Variants in MED24 observed in about 807,000 individuals in gnomAD.
MED24 encodes the protein mediator complex subunit 24.
Under a neutral mutation model 118.8 loss-of-function variants are expected in MED24, and 74 were observed. That is an observed-to-expected ratio of 0.62 (90% CI 0.52 to 0.76). The LOEUF (loss-of-function observed/expected upper bound fraction) is 0.76, where lower values mean the gene tolerates loss of function less well. Among genes scored for constraint, MED24 ranks in the 30% least tolerant of loss-of-function variants. The pLI, the probability that MED24 is intolerant of heterozygous loss-of-function variation, is 0.00. For missense variants in MED24, 1,041 were observed against 1,278.9 expected (o/e 0.81, Z 2.84); for synonymous variants, 521 against 523.9 (o/e 0.99, Z 0.08).
chr17:40,020,491 A>C (rs1342532738), intron 23 of MED24, 138 bp from the exon 24 acceptor site: 1 of 1,536,586 alleles, frequency 6.5e-7, no homozygotes, highest in Non-Finnish European at 8.8e-7. Flanking sequence ...CCCTGAGATC[A>C]AGAGCACAAA....
In MED24 at chr17:40,027,479, G is replaced by A; in HGVS notation, c.1448-14C>T. 6.2e-7 allele frequency: 1 copy of A among 1,604,734 alleles called. No individual in the cohort carries two copies. The highest frequency in any genetic ancestry group is 8.5e-7 in the Non-Finnish European group (1 of 1,175,426). ...AGGCCGGTTTGGCTGTGGAAGGACGGGAAGGCTGAGCTCCCAGACGAGGGC... is the reference window on the plus strand; with the variant it reads ...AGGCCGGTTTGGCTGTGGAAGGACGAGAAGGCTGAGCTCCCAGACGAGGGC... On this transcript the variant is annotated splice_polypyrimidine_tract_variant and intron_variant, in intron 15 of 25. Coordinates refer to ENST00000394128, the MANE Select transcript of MED24 (RefSeq NM_014815.4).
At chr17:40,031,923 G>A in intron 10 of MED24, 120 bp downstream of exon 10, 6 of 1,157,974 alleles carry the variant, frequency 5.2e-6, no homozygotes, top group Non-Finnish European at 7.5e-6. Flanking sequence ...TGCACGCTGA[G>A]GTGTACACTC....
At chr17:40,048,038 T>C (rs1985436524) in intron 3 of MED24, among the ~76,000 whole-genome samples, 1 of 152,258 alleles carries the variant, frequency 6.6e-6, no homozygotes, top group African/African-American at 2.4e-5. Context: ...CGCAAGATCT[T>C]TGTATGTTAT....
chr17:40,049,357 C>A (rs533184231), intron 3 of MED24, among the ~76,000 whole-genome samples: 1 of 152,042 alleles, frequency 6.6e-6, no homozygotes, highest in Non-Finnish European at 1.5e-5. Context: ...CTCAATGTGC[C>A]GGCTAACTCA....
chr17:40,019,442 C>T lies in MED24; in HGVS notation c.*87G>A, dbSNP rs1336859386. The T allele has an allele frequency of 2.4e-4, 268 of 1,106,306 alleles. 3 individuals carry two copies. The highest frequency in any genetic ancestry group is 3.6e-5 in the Non-Finnish European group (27 of 744,958). 68.5% of individuals were successfully genotyped at this position (1,106,306 alleles called of 1,614,324 possible). A position where few individuals can be genotyped will look rare whatever the true frequency, so the allele number is the denominator to read the frequency against. ...CACCATGTGGAGCGGATGTGAGGCA[C>T]GATGCCTCATCTTTCCTCACTGCTT... On this transcript the variant is annotated 3_prime_UTR_variant, in exon 26 of 26. Transcript: ENST00000394128.
Position 40,020,250 on chromosome 17 carries a change from GGCA to G in MED24, c.2704+20_2704+22del. The G allele has an allele frequency of 6.7e-7, 1 of 1,494,718 alleles. No homozygotes were observed. Among genetic ancestry groups the G allele is most frequent in the Non-Finnish European group, 8.9e-7 (1 of 1,119,402 alleles). 92.6% of individuals were successfully genotyped at this position (1,494,718 alleles called of 1,614,324 possible). A position where few individuals can be genotyped will look rare whatever the true frequency, so the allele number is the denominator to read the frequency against. On this transcript the variant is annotated intron_variant, in intron 24 of 25. Coordinates refer to ENST00000394128, the MANE Select transcript of MED24 (RefSeq NM_014815.4). ...ACTCGTCCAGCTTAGCCCCAGGTTC[GGCA>G]GCAGGGGTGGGGAACTCACCCAGGA...
chr17:40,050,419 C>G (rs1985715734), intron 3 of MED24, among the ~76,000 whole-genome samples: 1 of 151,990 alleles, frequency 6.6e-6, no homozygotes, highest in African/African-American at 2.4e-5. Flanking sequence ...TGCACTCCAC[C>G]CTGGGTGACA....
rs869107070 is a variant in MED24, at chr17:40,039,781, ATTTTTTTTT to A, written c.214-3636_214-3628del. ...CTACAGGTGCACACCACCATGCTTAATTTTTTTTTTTTTTTTTTTTGAGATGGAGTCTTG... is the reference window on the plus strand; with the variant it reads ...CTACAGGTGCACACCACCATGCTTAATTTTTTTTTTTGAGATGGAGTCTTG... On this transcript the variant is annotated intron_variant, in intron 3 of 25. Coordinates refer to ENST00000394128, the MANE Select transcript of MED24 (RefSeq NM_014815.4). Among the ~76,000 whole-genome samples the A allele has an allele frequency of 1.5e-3, 197 of 127,712 alleles. 1 individual carries two copies. Among genetic ancestry groups the A allele is most frequent in the African/African-American group, 5.3e-3 (192 of 36,240 alleles). The allele number at this position is 127,712 out of a possible 152,430, so 83.8% of individuals were successfully genotyped here. A position where few individuals can be genotyped will look rare whatever the true frequency, so the allele number is the denominator to read the frequency against.
intron 24 of MED24, 165 bp downstream of exon 24, chr17:40,020,108 C>T (rs1981778360): frequency 9.9e-7 from 1 of 1,007,590 alleles, no homozygotes. Flanking sequence ...GGAGGGGGAA[C>T]TAGACAGGAG....
chr17:40,038,090 TA>T (rs1984156277), intron 3 of MED24, among the ~76,000 whole-genome samples: 2 of 152,096 alleles, frequency 1.3e-5, no homozygotes, highest in Non-Finnish European at 2.9e-5. Context: ...CAATATCCTT[TA>T]AACTTACTTG....
intron 14 of MED24, 170 bp from the exon 15 acceptor site, chr17:40,028,116 T>G (rs528811889): frequency 1.8e-4 from 115 of 650,026 alleles, no homozygotes; most frequent in South Asian, 1.2e-3. Context: ...TGTTTTTTGT[T>G]TTTTTTTTGT....
Position 40,033,317 on chromosome 17 carries a change from TCTC to T in MED24, c.671+25_671+27del, listed in dbSNP as rs755283507. ...CCCAGGGCGTGTCCTCCCTCTCCCT[TCTC>T]CACCATCCCCCAGGGAGCCGGTACC... On this transcript the variant is annotated intron_variant, in intron 7 of 25. Coordinates refer to ENST00000394128, the MANE Select transcript of MED24 (RefSeq NM_014815.4). The surrounding 1 kb of genome is among the most constrained non-coding windows in gnomAD (Gnocchi z 5.2). The T allele has an allele frequency of 1.2e-6, 2 of 1,612,160 alleles. No individual in the cohort carries two copies. Among genetic ancestry groups the T allele is most frequent in the Non-Finnish European group, 1.7e-6 (2 of 1,179,240 alleles).
At chr17:40,052,739 C>A (rs553256684) in intron 3 of MED24, among the ~76,000 whole-genome samples, 1 of 151,768 alleles carries the variant, frequency 6.6e-6, no homozygotes, top group East Asian at 2.0e-4. Flanking sequence ...GTAGGTGGGG[C>A]CACAGGCCTG....
chr17:40,032,181 G>T, intron 9 of MED24, 91 bp from the exon 10 acceptor site: 1 of 1,433,714 alleles, frequency 7.0e-7, no homozygotes, highest in South Asian at 1.1e-5. Flanking sequence ...CCCTGCTCCA[G>T]GAAGAGAGAC....
rs1232874153 is a variant in MED24, at chr17:40,035,775, G to T, written c.273C>A (p.Asp91Glu). 6.2e-7 allele frequency: 1 copy of T among 1,613,914 alleles called. No individual in the cohort carries two copies. The highest frequency in any genetic ancestry group is 8.5e-7 in the Non-Finnish European group (1 of 1,179,982). The change falls in exon 5 of 26, where the codon GAC becomes GAA. Residue 91 changes from aspartate to glutamate, a missense_variant. Asp to Glu is a conservative substitution (Grantham distance 45, BLOSUM62 2). This residue lies in a region of MED24 where 434 missense variants were observed against 514.9 expected (regional missense o/e 0.84). Transcript: ENST00000394128. ...TGTCCAGCAATGCCTGGACACACAG[G>T]TCCCGAGAAAAGTCATCAAACTGTG... ...AISKFDDFSR[D>E]LCVQALLDIM...
At chr17:40,026,811 C>T (rs1178899781) in intron 17 of MED24, 45 bp downstream of exon 17, 1 of 1,610,908 alleles carries the variant, frequency 6.2e-7, no homozygotes, top group Non-Finnish European at 8.5e-7. Flanking sequence ...GGGTCTTGAC[C>T]CTGCCCCCAC....
At chr17:40,032,497 A>G (rs917030739) in intron 9 of MED24, 152 bp downstream of exon 9, 2 of 632,680 alleles carry the variant, frequency 3.2e-6, no homozygotes, top group African/African-American at 3.7e-5. Flanking sequence ...TGGCACTTTC[A>G]GAGAAAATGA....
chr17:40,022,929 G>A (rs899034064), intron 20 of MED24, 103 bp from the exon 21 acceptor site: 1 of 1,433,368 alleles, frequency 7.0e-7, no homozygotes, highest in East Asian at 2.4e-5. Context: ...CCCGCAGAGG[G>A]GGCCCCAGAT....
In MED24 at chr17:40,021,979, C is replaced by T. The variant is rs1428505324; in HGVS notation, c.2599G>A (p.Asp867Asn). Residue 867 changes from aspartate (D) to asparagine (N), a missense_variant, in exon 23 of 26, where the codon GAT becomes AAT. Around this residue, in one of 3 missense-constraint regions of MED24, gnomAD observed 587 missense variants for 694.4 expected, o/e 0.85. Coordinates refer to ENST00000394128, the MANE Select transcript of MED24 (RefSeq NM_014815.4). ...CTGGGGCTCGAAAGGATGTTGGCAT[C>T]GTCCTCATTAGAGCTCAGCAGTCGC... Reference protein sequence around the residue: ...LMRLLSSNEDDANILSSPTDR... With the variant: ...LMRLLSSNEDNANILSSPTDR... 5.0e-6 allele frequency: 8 copies of T among 1,607,232 alleles called. No individual in the cohort carries two copies. The Admixed American group carries it at 6.8e-5, about 14-fold the overall frequency.
Sources: gnomAD v4.1 joint callset for allele counts (sites outside exome capture counted in the v4.1 genomes callset) on GRCh38, gnomAD v4.1.1 for gene constraint, gnomAD v4.1.1 regional missense constraint, Gnocchi (gnomAD v3.1) non-coding constraint, MANE v1.5 for transcripts, NCBI Gene and HGNC (gene_info 2026-07-23, HGNC 2026-07-21) for gene names.